ATP8A2: variants seen among roughly 807,000 people sequenced by gnomAD.
ATP8A2 encodes ATPase phospholipid transporting 8A2.
A neutral mutation model predicts 165.6 loss-of-function variants in ATP8A2; 100 were observed. The ratio of observed to expected loss-of-function variants is 0.60; its 90% CI spans 0.51 to 0.71. The LOEUF (loss-of-function observed/expected upper bound fraction) is 0.71. ATP8A2 is among the 30% of genes least tolerant of loss of function. The pLI is 0.00. For synonymous variants in ATP8A2, 543 were observed against 548.8 expected (o/e 0.99, Z 0.15); for missense variants, 1,227 against 1,479.5 (o/e 0.83, Z 2.80).
chr13:25,629,651 A>G (rs1426799127), intron 24 of ATP8A2, among the ~76,000 whole-genome samples: 2 of 152,176 alleles, frequency 1.3e-5, no homozygotes, highest in African/African-American at 4.8e-5. Flanking sequence ...AGCTTAAGCT[A>G]TGAGGCAAGG....
intron 3 of ATP8A2, 145 bp from the exon 4 acceptor site, chr13:25,530,417 T>A (rs574847575): frequency 6.1e-6 from 4 of 653,876 alleles, no homozygotes; most frequent in Admixed American, 5.8e-5. Flanking sequence ...ACGTAGCTAG[T>A]TTTTAAAGTA....
chr13:25,436,031 C>T (rs1404111671), intron 1 of ATP8A2, among the ~76,000 whole-genome samples: 1 of 148,700 alleles, frequency 6.7e-6, no homozygotes, highest in East Asian at 1.9e-4. Context: ...AAGCCACCGG[C>T]AATCTTTTTA....
At chr13:25,788,063 C>T (rs1047246345) in intron 27 of ATP8A2, among the ~76,000 whole-genome samples, 3 of 152,144 alleles carry the variant, frequency 2.0e-5, no homozygotes, top group African/African-American at 7.2e-5. Flanking sequence ...AGCATGGTTA[C>T]AGGTGAGGCC....
rs141912948 is a variant in ATP8A2 at position 25,683,728 on chromosome 13, G to T, written c.2212-15445G>T. ...TTATTATGAGTCTCTAGTCATTCTT[G>T]ATTTTGTGGCAAATTGATGGTCAAG... is the stretch of plus-strand genomic sequence containing the variant. On this transcript the variant is annotated intron_variant, in intron 24 of 36. Coordinates refer to ENST00000381655, the MANE Select transcript of ATP8A2 (RefSeq NM_016529.6). 1.7e-3 allele frequency among the ~76,000 whole-genome samples: 250 copies of T among 148,440 alleles called. 1 individual carries two copies. The highest frequency in any genetic ancestry group is 6.0e-3 in the African/African-American group (241 of 40,324).
intron 1 of ATP8A2, among the ~76,000 whole-genome samples, chr13:25,397,038 T>C (rs1394334752): frequency 6.6e-6 from 1 of 151,686 alleles, no homozygotes; most frequent in Non-Finnish European, 1.5e-5. Context: ...TGCCCCTTGG[T>C]GGGGGTGGGG....
intron 1 of ATP8A2, among the ~76,000 whole-genome samples, chr13:25,415,651 CGCACACTG>C (rs1566115931): frequency 6.6e-6 from 1 of 152,182 alleles, no homozygotes; most frequent in African/African-American, 2.4e-5. Flanking sequence ...CTTGCACACG[CGCACACTG>C]GCTTCCTGCT....
rs1380459292 is a variant in ATP8A2 at position 25,819,130 on chromosome 13, T to C, written c.2680-8988T>C. On this transcript the variant is annotated intron_variant, in intron 27 of 36. Coordinates refer to ENST00000381655, the MANE Select transcript of ATP8A2 (RefSeq NM_016529.6). ...GCACTCATACAAATGTATGTAAACA[T>C]ACAGCATTTTTGTTGTGGTTTTTAC... is the stretch of plus-strand genomic sequence containing the variant. 3.3e-5 allele frequency among the ~76,000 whole-genome samples: 5 copies of C among 152,146 alleles called. No individual in the cohort carries two copies. The East Asian group carries it at 9.6e-4, about 29-fold the overall frequency.
At chr13:25,444,649 T>G (rs2035023264) in intron 1 of ATP8A2, among the ~76,000 whole-genome samples, 1 of 150,198 alleles carries the variant, frequency 6.7e-6, no homozygotes, top group African/African-American at 2.5e-5. Context: ...TTTTTTTTTG[T>G]TTTGTTTTGT....
intron 34 of ATP8A2, among the ~76,000 whole-genome samples, chr13:25,967,633 A>G (rs1955809243): frequency 6.6e-6 from 1 of 152,178 alleles, no homozygotes. Flanking sequence ...AAAGCTTTTC[A>G]GTCTGGTGTG....
At chr13:25,498,824 C>A (rs913366993) in intron 2 of ATP8A2, among the ~76,000 whole-genome samples, 4 of 152,134 alleles carry the variant, frequency 2.6e-5, no homozygotes, top group African/African-American at 9.7e-5. Context: ...GAGGCATGGA[C>A]TGATTAAATA....
At position 25,815,375 on chromosome 13, in the gene ATP8A2, C is replaced by T. The variant is rs182842893; in HGVS notation, c.2680-12743C>T. 1.2e-3 allele frequency among the ~76,000 whole-genome samples: 177 copies of T among 152,118 alleles called. 3 individuals are homozygous for T. Among genetic ancestry groups the T allele is most frequent in the East Asian group, 7.3e-3 (38 of 5,172 alleles). On this transcript the variant is annotated intron_variant, in intron 27 of 36. Transcript: ENST00000381655. ...AGCAAAAAACCAATTCAAAAATGGG[C>T]GAAAGACTTGAGTAGACATTTCTCC...
At chr13:25,541,730 A>G (rs1054515491) in intron 8 of ATP8A2, among the ~76,000 whole-genome samples, 189 bp from the exon 9 acceptor site, 2 of 152,154 alleles carry the variant, frequency 1.3e-5, no homozygotes, top group African/African-American at 4.8e-5. Flanking sequence ...CCACTTTTGC[A>G]TTAGATCGTT....
chr13:25,427,848 C>T (rs150007649), intron 1 of ATP8A2, among the ~76,000 whole-genome samples: 15 of 151,680 alleles, frequency 9.9e-5, no homozygotes, highest in African/African-American at 2.7e-4. Flanking sequence ...GAACCGAGAT[C>T]GAGCCACTGC....
At chr13:25,450,667 G>A (rs1176106307) in intron 1 of ATP8A2, among the ~76,000 whole-genome samples, 1 of 152,052 alleles carries the variant, frequency 6.6e-6, no homozygotes, top group African/African-American at 2.4e-5. Flanking sequence ...GAGTAGCTGG[G>A]ACTACAGGCG....
intron 2 of ATP8A2, among the ~76,000 whole-genome samples, chr13:25,516,649 G>C (rs2037480651): frequency 6.6e-6 from 1 of 151,798 alleles, no homozygotes; most frequent in South Asian, 2.1e-4. Flanking sequence ...TCTTTTAATT[G>C]AAAATTGAGA....
At chr13:25,561,140 C>T (rs867042543) in intron 15 of ATP8A2, among the ~76,000 whole-genome samples, 3 of 152,248 alleles carry the variant, frequency 2.0e-5, no homozygotes, top group Middle Eastern at 3.4e-3. Context: ...CTGTCTCGGC[C>T]TCCCAAAGTG....
At chr13:25,745,856 T>A (rs2044019948) in intron 25 of ATP8A2, among the ~76,000 whole-genome samples, 1 of 152,212 alleles carries the variant, frequency 6.6e-6, no homozygotes, top group South Asian at 2.1e-4. Flanking sequence ...TTCAGTTTCT[T>A]AGGAATGCAG....
At chr13:25,746,930 T>A (rs965237237) in intron 25 of ATP8A2, among the ~76,000 whole-genome samples, 1 of 152,200 alleles carries the variant, frequency 6.6e-6, no homozygotes, top group Non-Finnish European at 1.5e-5. Context: ...AATATCCCCA[T>A]GATCAAAGCT....
At chr13:25,739,876 A>G (rs1475158936) in intron 25 of ATP8A2, among the ~76,000 whole-genome samples, 1 of 152,208 alleles carries the variant, frequency 6.6e-6, no homozygotes, top group Admixed American at 6.5e-5. Context: ...GGGAAAAAAT[A>G]ATGTAAAATG....
Sources: gnomAD v4.1 joint callset for allele counts (sites outside exome capture counted in the v4.1 genomes callset) on GRCh38, gnomAD v4.1.1 for gene constraint, MANE v1.5 for transcripts, NCBI Gene and HGNC (gene_info 2026-07-23, HGNC 2026-07-21) for gene names.